The following PNKD variants were observed in gnomAD, a reference collection of about 807,000 sequenced individuals.
PNKD encodes probable thioesterase PNKD.
Under a neutral mutation model 45.3 loss-of-function variants are expected in PNKD, and 36 were observed. The observed-to-expected ratio is 0.80, with a 90% confidence interval of 0.61 to 1.05. The LOEUF is 1.05. Among genes scored for constraint, PNKD ranks in the 50% least tolerant of loss-of-function variants. The pLI, the probability that PNKD is intolerant of heterozygous loss-of-function variation, is 0.00. For missense variants in PNKD, 511 were observed against 506.6 expected (o/e 1.01, Z -0.08); for synonymous variants, 197 against 210.1 (o/e 0.94, Z 0.54).
chr2:218,325,345 C>T lies in PNKD; in HGVS notation c.237-14438C>T, dbSNP rs184293728. ...GCCTCAGCCTCCTGAGTAGCTGCGACTACAGGCACCTGCTACCATACCCAG... is the reference window on the plus strand; with the variant it reads ...GCCTCAGCCTCCTGAGTAGCTGCGATTACAGGCACCTGCTACCATACCCAG... On this transcript the variant is annotated intron_variant, in intron 2 of 9. Transcript: ENST00000273077. Among the ~76,000 whole-genome samples, 531 of 151,522 alleles carry T rather than the reference C, an allele frequency of 3.5e-3. 6 individuals carry two copies. The highest frequency in any genetic ancestry group is 6.2e-3 in the Non-Finnish European group (418 of 67,898).
chr2:218,310,976 C>G (rs115205379), intron 2 of PNKD, among the ~76,000 whole-genome samples: 91 of 152,220 alleles, frequency 6.0e-4, no homozygotes, highest in Admixed American at 1.4e-3. Flanking sequence ...AGTAACATGC[C>G]GTGCAGGTTT....
intron 2 of PNKD, among the ~76,000 whole-genome samples, chr2:218,336,313 A>T (rs1694491855): frequency 6.6e-6 from 1 of 151,918 alleles, no homozygotes; most frequent in Admixed American, 6.6e-5. Flanking sequence ...GATGTTTTTA[A>T]TTTGCTATTT....
chr2:218,320,193 T>G (rs1693948337), intron 2 of PNKD, among the ~76,000 whole-genome samples: 2 of 152,242 alleles, frequency 1.3e-5, no homozygotes, highest in East Asian at 3.8e-4. Context: ...GAGTTGAAGA[T>G]GAATAAATTA....
intron 7 of PNKD, 133 bp downstream of exon 7, chr2:218,342,277 G>T (rs917032716): frequency 6.3e-5 from 48 of 758,022 alleles, no homozygotes; most frequent in African/African-American, 1.2e-4. Context: ...TTCCATCTGT[G>T]TTACTCAGAT....
chr2:218,292,437 A>ACGGCGC (rs911219271), intron 2 of PNKD: 2 of 152,210 alleles, frequency 1.3e-5, no homozygotes, highest in African/African-American at 2.4e-5. Context: ...ACAGTCCCCA[A>ACGGCGC]CGGCGCCGGC....
Position 218,278,520 on chromosome 2 carries a change from T to A in PNKD, c.236+6971T>A. ...GTTAAGTCTCTGGGACTCACCTGGG[T>A]CCCTGGCAGCAGGCAAGGATCAGGT... On this transcript the variant is annotated intron_variant, in intron 2 of 9. Transcript: ENST00000273077. 2.5e-6 allele frequency: 4 copies of A among 1,614,082 alleles called. No individual in the cohort carries two copies. In the Middle Eastern group the frequency reaches 6.6e-4, roughly 266 times the overall value.
intron 2 of PNKD, among the ~76,000 whole-genome samples, chr2:218,312,931 G>C (rs1693660054): frequency 6.6e-6 from 1 of 150,624 alleles, no homozygotes; most frequent in Non-Finnish European, 1.5e-5. Flanking sequence ...CTTCGTATGT[G>C]TTCTATTTTT....
chr2:218,325,867 C>T (rs72951243), intron 2 of PNKD, among the ~76,000 whole-genome samples: 9,606 of 152,252 alleles, frequency 0.063, 415 homozygotes, highest in Non-Finnish European at 0.091. Context: ...GGAATCCACT[C>T]CTCAAATTTG....
At chr2:218,272,503 T>G (rs1690883404) in intron 2 of PNKD, 1 of 1,456,558 alleles carries the variant, frequency 6.9e-7, no homozygotes, top group Non-Finnish European at 9.6e-7. Context: ...CTAGAATGAC[T>G]CCCCCCAGCT....
At chr2:218,280,202 T>A (rs773951338) in intron 2 of PNKD, 16 of 1,088,518 alleles carry the variant, frequency 1.5e-5, no homozygotes, top group Non-Finnish European at 2.3e-5. Context: ...CCTGACAATC[T>A]CAAAGTCTCA....
intron 2 of PNKD, among the ~76,000 whole-genome samples, chr2:218,309,377 TCAC>T (rs1316292767): frequency 1.5e-5 from 2 of 132,918 alleles, no homozygotes; most frequent in Non-Finnish European, 3.1e-5. Flanking sequence ...CAAGATTGTG[TCAC>T]TGCACTCCAG....
In PNKD at chr2:218,335,907, C is replaced by T. The variant is rs561124986; in HGVS notation, c.237-3876C>T. On this transcript the variant is annotated intron_variant, in intron 2 of 9. Coordinates refer to ENST00000273077, the MANE Select transcript of PNKD (RefSeq NM_015488.5). ...GCGGCTGCCCCTGCTCCCACATACA[C>T]GGTCAATCCTTGTAGAGACTTAGGG... is the stretch of plus-strand genomic sequence containing the variant. Among the ~76,000 whole-genome samples, 5 of 152,268 alleles carry T rather than the reference C, an allele frequency of 3.3e-5. No homozygotes were observed. In the East Asian group the frequency reaches 9.7e-4, roughly 29 times the overall value.
rs899453915 is a variant in PNKD, at chr2:218,331,992, G to A, written c.237-7791G>A. On this transcript the variant is annotated intron_variant, in intron 2 of 9. Transcript: ENST00000273077. The stretch of plus-strand genomic sequence containing the variant: ...TCCGCCCTTTCACTCTTGGGAGCAC[G>A]GGATTATCACTGGGCGGTACAGGAG... Among the ~76,000 whole-genome samples, 4 of 152,158 alleles carry A rather than the reference G, an allele frequency of 2.6e-5. 1 individual carries two copies. Among genetic ancestry groups the A allele is most frequent in the African/African-American group, 7.2e-5 (3 of 41,448 alleles).
chr2:218,343,579 G>A lies in PNKD; in HGVS notation c.861G>A (p.Leu287=), dbSNP rs890955099. ...TVLGLGDDTL[L]WPGHEYAEEN... ...TGGGGCTAGGGGATGACACCCTTCT[G>A]TGGCCTGGTGAGACACCCCCTTACT... Residue 287 remains leucine (L), a synonymous_variant, in exon 8 of 10, where the codon CTG becomes CTA. Transcript: ENST00000273077. 1 of 1,611,844 alleles carries A rather than the reference G, an allele frequency of 6.2e-7. No individual in the cohort carries two copies. The highest frequency in any genetic ancestry group is 8.5e-7 in the Non-Finnish European group (1 of 1,178,842).
intron 2 of PNKD, chr2:218,323,445 C>T (rs749445685): frequency 6.5e-7 from 1 of 1,544,236 alleles, no homozygotes; most frequent in South Asian, 1.2e-5. Flanking sequence ...AGTGCCCGGG[C>T]TCCGAAGCGT....
Position 218,326,994 on chromosome 2 carries a change from T to C in PNKD, c.237-12789T>C, listed in dbSNP as rs1694172658. 6.5e-6 allele frequency: 1 copy of C among 152,804 alleles called. No homozygotes were observed. Among genetic ancestry groups the C allele is most frequent in the South Asian group, 2.1e-4 (1 of 4,834 alleles). The allele number at this position is 152,804 out of a possible 1,614,324, so 9.5% of individuals were successfully genotyped here. On this transcript the variant is annotated intron_variant, in intron 2 of 9. Transcript: ENST00000273077. This position sits in a 1 kb window ranked among gnomAD's most constrained non-coding sequence, Gnocchi z 4.1. ...TCCCCCGTGCGTGCCCCCTGCTTCA[T>C]GCCTCAGTTGCCCTTTTGCCTTCTT... is the stretch of plus-strand genomic sequence containing the variant.
At chr2:218,314,212 C>T (rs1233865485) in intron 2 of PNKD, among the ~76,000 whole-genome samples, 5 of 140,302 alleles carry the variant, frequency 3.6e-5, no homozygotes, top group African/African-American at 1.1e-4. Context: ...CGTGAGCCAC[C>T]GCGCCCTGGC....
intron 2 of PNKD, among the ~76,000 whole-genome samples, chr2:218,329,812 A>G (rs1044072733): frequency 3.9e-5 from 6 of 152,172 alleles, no homozygotes; most frequent in African/African-American, 1.4e-4. Flanking sequence ...GAATGCACAA[A>G]ACATGGAGCT....
intron 2 of PNKD, among the ~76,000 whole-genome samples, chr2:218,276,317 G>A (rs1223798531): frequency 2.0e-5 from 3 of 152,168 alleles, no homozygotes. Flanking sequence ...AGCCAGTCAA[G>A]GTACACAAGT....
Sources: allele counts gnomAD v4.1 joint callset (sites outside exome capture counted in the v4.1 genomes callset), GRCh38; gene constraint gnomAD v4.1.1; non-coding constraint Gnocchi (gnomAD v3.1); transcripts MANE v1.5; gene names NCBI Gene and HGNC (gene_info 2026-07-23, HGNC 2026-07-21).